The following AGBL1 variants were observed in gnomAD, a reference collection of about 807,000 sequenced individuals.
AGBL1 encodes the protein AGBL carboxypeptidase 1, also known as cytosolic carboxypeptidase 4.
In AGBL1, 130 loss-of-function variants were observed where a neutral mutation model predicts 118.9. The ratio of observed to expected loss-of-function variants is 1.09; its 90% CI spans 0.95 to 1.26. AGBL1 has a LOEUF of 1.26. Ranked by LOEUF, AGBL1 falls within the 50% of genes most tolerant of loss-of-function variation. AGBL1 has a pLI of 0.00. For missense variants in AGBL1, 1,584 were observed against 1,298.1 expected (o/e 1.22, Z -3.38); for synonymous variants, 555 against 478.9 (o/e 1.16, Z -2.08).
At chr15:86,734,028 C>G (rs1311724142) in intron 22 of AGBL1, among the ~76,000 whole-genome samples, 2 of 152,146 alleles carry the variant, frequency 1.3e-5, no homozygotes, top group Non-Finnish European at 2.9e-5. Flanking sequence ...CCCTCTGATA[C>G]CCTCATGAGA....
intron 22 of AGBL1, among the ~76,000 whole-genome samples, chr15:86,715,885 C>T (rs2086630326): frequency 6.6e-6 from 1 of 151,758 alleles, no homozygotes. Flanking sequence ...GGTGAAACCC[C>T]ATCTTTACTA....
At chr15:86,827,738 C>T (rs544768757) in intron 22 of AGBL1, among the ~76,000 whole-genome samples, 2 of 146,736 alleles carry the variant, frequency 1.4e-5, no homozygotes, top group Non-Finnish European at 3.0e-5. Context: ...ACTACCACCA[C>T]CAAAGATGTG....
rs573405890 is a variant in AGBL1, at chr15:86,111,794, G to A, written c.52-30210G>A. Among the ~76,000 whole-genome samples, 16 of 152,292 alleles carry A rather than the reference G, an allele frequency of 1.1e-4. No individual in the cohort carries two copies. The South Asian group carries it at 3.1e-3, about 30-fold the overall frequency. The stretch of plus-strand genomic sequence containing the variant: ...GACTGGTAGGAACAAGACCATGTTA[G>A]GAACCAGGCCACACAGCAGGAGGTG... On this transcript the variant is annotated intron_variant, in intron 1 of 22. Transcript: ENST00000614907.
intron 22 of AGBL1, among the ~76,000 whole-genome samples, chr15:86,722,522 A>T (rs530846509): frequency 6.6e-6 from 1 of 152,216 alleles, no homozygotes. Context: ...TGGATTAAAG[A>T]CTTAAATGTT....
chr15:86,346,118 G>A (rs2080532704), intron 17 of AGBL1, among the ~76,000 whole-genome samples: 1 of 151,822 alleles, frequency 6.6e-6, no homozygotes, highest in African/African-American at 2.4e-5. Context: ...GAATAGCTGG[G>A]ATTACAGGCG....
intron 22 of AGBL1, among the ~76,000 whole-genome samples, chr15:86,690,632 G>A (rs2086148012): frequency 6.6e-6 from 1 of 152,130 alleles, no homozygotes; most frequent in African/African-American, 2.4e-5. Flanking sequence ...AAGGAGAGTA[G>A]GTTTTTATTT....
intron 18 of AGBL1, among the ~76,000 whole-genome samples, chr15:86,445,845 C>A (rs2082114080): frequency 1.3e-5 from 2 of 152,188 alleles, no homozygotes; most frequent in Admixed American, 1.3e-4. Flanking sequence ...TAAATCATTT[C>A]TTTGTGATGC....
intron 24 of AGBL1, among the ~76,000 whole-genome samples, chr15:87,006,504 T>C (rs901693833): frequency 4.6e-5 from 7 of 152,194 alleles, no homozygotes; most frequent in Admixed American, 6.5e-5. Flanking sequence ...GCACGGGGTA[T>C]AATCTCCTGG....
chr15:86,108,159 C>G (rs529966433), intron 1 of AGBL1, among the ~76,000 whole-genome samples: 2 of 152,292 alleles, frequency 1.3e-5, no homozygotes, highest in African/African-American at 2.4e-5. Context: ...GGGGAAGATA[C>G]TAAAGATGCT....
intron 16 of AGBL1, 140 bp from the exon 17 acceptor site, chr15:86,295,115 A>G (rs2079612374): frequency 2.1e-6 from 2 of 957,922 alleles, no homozygotes; most frequent in South Asian, 3.3e-5. Flanking sequence ...CCCCCTTTTA[A>G]TCACTCAAGG....
intron 22 of AGBL1, among the ~76,000 whole-genome samples, chr15:86,807,436 C>T (rs530345062): frequency 1.3e-5 from 2 of 152,152 alleles, no homozygotes; most frequent in African/African-American, 4.8e-5. Flanking sequence ...TTTGTGGTTG[C>T]TGATGACAAC....
chr15:86,829,398 C>A (rs971175279), intron 22 of AGBL1, among the ~76,000 whole-genome samples: 3 of 152,122 alleles, frequency 2.0e-5, no homozygotes, highest in Non-Finnish European at 4.4e-5. Context: ...TCCACTCATG[C>A]CATATGACCC....
rs558927624 is a variant in AGBL1, at chr15:86,866,028, C to G, written c.3159-41059C>G. Among the ~76,000 whole-genome samples the G allele has an allele frequency of 2.0e-5, 3 of 152,348 alleles. No homozygotes were observed. In the East Asian group the frequency reaches 5.8e-4, roughly 29 times the overall value. On this transcript the variant is annotated intron_variant, in intron 22 of 22. Coordinates refer to ENST00000614907, the MANE Select transcript of AGBL1 (RefSeq NM_001386094.1). The stretch of plus-strand genomic sequence containing the variant: ...ATCCAGATGACCTTGCCTCAGCCAT[C>G]TTTCCCTTCCCCCCAAGTTGCACTG...
At chr15:86,440,482 G>GATA (rs1406951061) in intron 18 of AGBL1, among the ~76,000 whole-genome samples, 2 of 57,506 alleles carry the variant, frequency 3.5e-5, no homozygotes, top group Non-Finnish European at 5.9e-5. Flanking sequence ...CCATGGGATG[G>GATA]AGAATAATAA....
At chr15:86,667,886 A>T (rs1171954596) in intron 21 of AGBL1, among the ~76,000 whole-genome samples, 1 of 152,210 alleles carries the variant, frequency 6.6e-6, no homozygotes, top group Non-Finnish European at 1.5e-5. Flanking sequence ...TGAGTAATTT[A>T]TAAAGAAAAG....
intron 5 of AGBL1, among the ~76,000 whole-genome samples, chr15:86,205,920 C>T (rs1456019804): frequency 6.6e-6 from 1 of 152,142 alleles, no homozygotes; most frequent in African/African-American, 2.4e-5. Flanking sequence ...TGTTGGTTTG[C>T]TGCACCTATT....
chr15:86,948,344 G>A lies in AGBL1; in HGVS notation c.3222-39643G>A, dbSNP rs148817934. On this transcript the variant is annotated intron_variant, in intron 23 of 24. Coordinates refer to the AGBL1 transcript ENST00000441037. ...ATTGCATTTTTAAAAATAAAAAATAGTCATTAGAATTAAAATGTAAATGGA... is the reference window on the plus strand; with the variant it reads ...ATTGCATTTTTAAAAATAAAAAATAATCATTAGAATTAAAATGTAAATGGA... Among the ~76,000 whole-genome samples the A allele has an allele frequency of 3.9e-4, 59 of 152,296 alleles. No homozygotes were observed. In the East Asian group the frequency reaches 7.7e-3, roughly 20 times the overall value.
At chr15:86,949,346 A>G (rs1487651333) in intron 23 of AGBL1, among the ~76,000 whole-genome samples, 1 of 152,166 alleles carries the variant, frequency 6.6e-6, no homozygotes, top group Non-Finnish European at 1.5e-5. Flanking sequence ...CCCAGAAAGA[A>G]GAAACTGTAG....
At chr15:86,882,547 T>C (rs145913693) in intron 22 of AGBL1, among the ~76,000 whole-genome samples, 1 of 152,300 alleles carries the variant, frequency 6.6e-6, no homozygotes, top group East Asian at 1.9e-4. Context: ...GTTTTTCATA[T>C]AAAATTTAGA....
Sources: gnomAD v4.1 joint callset for allele counts (sites outside exome capture counted in the v4.1 genomes callset) on GRCh38, gnomAD v4.1.1 for gene constraint, MANE v1.5 for transcripts, NCBI Gene and HGNC (gene_info 2026-07-23, HGNC 2026-07-21) for gene names.